CBLN2: variants seen among roughly 807,000 people sequenced by gnomAD.
CBLN2 encodes cerebellin-2.
CBLN2 carries 7 observed loss-of-function variants against 15.0 expected under a neutral mutation model. That is an observed-to-expected ratio of 0.47 (90% CI 0.27 to 0.88). The LOEUF is 0.88. Among genes scored for constraint, CBLN2 ranks in the 40% least tolerant of loss-of-function variants. The pLI is 0.14. For synonymous variants in CBLN2, 149 were observed against 135.2 expected, an observed-to-expected ratio of 1.10 and a Z score of -0.71; for missense variants, 242 against 304.5, an observed-to-expected ratio of 0.79 and a Z score of 1.53.
chr18:72,612,370 G>A (rs1165718158), intron 1 of CBLN2, among the ~76,000 whole-genome samples: 3 of 152,184 alleles, frequency 2.0e-5, no homozygotes, highest in Admixed American at 6.6e-5. Context: ...GCACATGCAA[G>A]TGCACATGAA....
intron 1 of CBLN2, chr18:72,625,231 A>G (rs1433294534): frequency 6.6e-6 from 1 of 152,112 alleles, no homozygotes; most frequent in Non-Finnish European, 1.5e-5. Flanking sequence ...AATCTGAAAA[A>G]CAACCGCCGG....
intron 1 of CBLN2, among the ~76,000 whole-genome samples, chr18:72,597,700 T>C (rs1161161241): frequency 3.3e-5 from 5 of 152,198 alleles, no homozygotes; most frequent in Admixed American, 2.6e-4. Context: ...ATCAGAAACC[T>C]TTGGGATCTA....
intron 1 of CBLN2, among the ~76,000 whole-genome samples, chr18:72,569,758 CAAGGGG>C (rs1282847753): frequency 3.3e-5 from 5 of 152,104 alleles, no homozygotes; most frequent in African/African-American, 1.2e-4. Context: ...CACTCATCAC[CAAGGGG>C]AAGGCAATAA....
chr18:72,563,769 C>T (rs759705837), intron 1 of CBLN2, among the ~76,000 whole-genome samples: 8 of 152,278 alleles, frequency 5.3e-5, no homozygotes, highest in Non-Finnish European at 8.8e-5. Context: ...TCCAGCAATT[C>T]ACTGAAAAGG....
intron 1 of CBLN2, among the ~76,000 whole-genome samples, chr18:72,572,467 A>AC (rs1157127026): frequency 6.6e-6 from 1 of 152,226 alleles, no homozygotes; most frequent in African/African-American, 2.4e-5. Flanking sequence ...AGTATTTCTT[A>AC]CCATAATGTG....
At chr18:72,620,527 C>G (rs985046638) in intron 1 of CBLN2, 1 of 152,292 alleles carries the variant, frequency 6.6e-6, no homozygotes, top group African/African-American at 2.4e-5. Flanking sequence ...AGTCCAGCTG[C>G]TTCTCCCTTT....
At chr18:72,544,367 T>C (rs1029069337), upstream of CBLN2, 1 of 152,210 alleles carries the variant, frequency 6.6e-6, no homozygotes, top group Admixed American at 6.5e-5. Context: ...CGCTTGCGCT[T>C]ATTTATTAAA....
upstream of CBLN2, among the ~76,000 whole-genome samples, chr18:72,548,953 C>G (rs2069175347): frequency 6.6e-6 from 1 of 152,130 alleles, no homozygotes; most frequent in Non-Finnish European, 1.5e-5. Flanking sequence ...CTGGGTGGAG[C>G]CTGAAATTTT....
At chr18:72,607,767 T>C (rs974809859) in intron 1 of CBLN2, among the ~76,000 whole-genome samples, 2 of 152,066 alleles carry the variant, frequency 1.3e-5, no homozygotes, top group Non-Finnish European at 1.5e-5. Context: ...GTCCCTTCTT[T>C]CCTTTTCAAT....
chr18:72,617,262 C>A (rs8088700), intron 1 of CBLN2, among the ~76,000 whole-genome samples: 31,985 of 151,896 alleles, frequency 0.21, 5,241 homozygotes, highest in African/African-American at 0.46. Flanking sequence ...AGTATAATAC[C>A]AGCTTACATT....
intron 1 of CBLN2, among the ~76,000 whole-genome samples, chr18:72,551,720 A>C (rs2069193278): frequency 6.6e-6 from 1 of 152,346 alleles, no homozygotes; most frequent in South Asian, 2.1e-4. Context: ...ATTCAGATGC[A>C]TACATTACAT....
rs76223970 is a variant in CBLN2, at chr18:72,589,024, A to G, written c.15+49301T>C. Among the ~76,000 whole-genome samples, 162 of 152,264 alleles carry G rather than the reference A, an allele frequency of 1.1e-3. 6 individuals carry two copies. In the East Asian group the frequency reaches 0.03, roughly 28 times the overall value. ...TGAAATAACCAAATACTGAACCATTATAGCTGCTCTGGTCAGATGTTGATT... is the reference window on the plus strand; with the variant it reads ...TGAAATAACCAAATACTGAACCATTGTAGCTGCTCTGGTCAGATGTTGATT... On this transcript the variant is annotated intron_variant, in intron 1 of 2. Transcript: ENST00000581073.
intron 1 of CBLN2, among the ~76,000 whole-genome samples, chr18:72,569,469 C>A (rs1352059439): frequency 6.6e-6 from 1 of 151,996 alleles, no homozygotes; most frequent in Admixed American, 6.5e-5. Flanking sequence ...TATATGAAAA[C>A]AATTATCTTA....
chr18:72,546,238 C>T (rs901578128), upstream of CBLN2, among the ~76,000 whole-genome samples: 8 of 152,048 alleles, frequency 5.3e-5, no homozygotes, highest in Admixed American at 1.3e-4. Context: ...GAGATTGAGA[C>T]CATCCTGGCT....
At chr18:72,546,402 AGTC>A (rs1195903609), upstream of CBLN2, among the ~76,000 whole-genome samples, 2 of 152,028 alleles carry the variant, frequency 1.3e-5, no homozygotes, top group Non-Finnish European at 2.9e-5. Context: ...GGGCCACTGC[AGTC>A]CTCCGGCCTG....
upstream of CBLN2, among the ~76,000 whole-genome samples, chr18:72,546,796 G>T (rs1489002843): frequency 1.3e-5 from 2 of 152,130 alleles, no homozygotes; most frequent in Non-Finnish European, 2.9e-5. Flanking sequence ...CTAATATTAG[G>T]GAAAAATGTG....
At chr18:72,541,173 A>G (rs1355906643) in intron 3 of CBLN2, among the ~76,000 whole-genome samples, 1 of 152,206 alleles carries the variant, frequency 6.6e-6, no homozygotes, top group Non-Finnish European at 1.5e-5. Flanking sequence ...GTTCATGTAT[A>G]CATTATATAT....
In CBLN2 at chr18:72,538,382, C is replaced by G. The variant is rs778078138; in HGVS notation, c.478-9G>C. The G allele has an allele frequency of 3.1e-6, 5 of 1,614,000 alleles. No homozygotes were observed. The Admixed American group carries it at 6.7e-5, about 22-fold the overall frequency. The stretch of plus-strand genomic sequence containing the variant: ...TTCTGCATTAAACTGACCTAAAATG[C>G]AGAGAGTAGAGCTCAGCAGACCATA... On this transcript the variant is annotated splice_polypyrimidine_tract_variant and intron_variant, in intron 4 of 4. Transcript: ENST00000269503.
At position 72,552,489 on chromosome 18, in the gene CBLN2, C is replaced by CT. The variant is rs1446653051; in HGVS notation, c.16-13718dup. The stretch of plus-strand genomic sequence containing the variant: ...TACATAAAAATCAACAAACTCCTTC[C>CT]TTAAACATGTCATTCAAAACAACCC... On this transcript the variant is annotated intron_variant, in intron 1 of 2. Coordinates refer to the CBLN2 transcript ENST00000581073. 2.0e-5 allele frequency: 3 copies of CT among 151,968 alleles called. No individual in the cohort carries two copies. The East Asian group carries it at 5.8e-4, about 29-fold the overall frequency. 9.4% of individuals were successfully genotyped at this position (151,968 alleles called of 1,614,324 possible).
Sources: allele counts gnomAD v4.1 joint callset (sites outside exome capture counted in the v4.1 genomes callset), GRCh38; gene constraint gnomAD v4.1.1; transcripts MANE v1.5; gene names NCBI Gene and HGNC (gene_info 2026-07-23, HGNC 2026-07-21).